Variants in OTOF observed in about 807,000 individuals in gnomAD.
OTOF encodes the protein otoferlin.
A neutral mutation model predicts 236.8 loss-of-function variants in OTOF; 218 were observed. The ratio of observed to expected loss-of-function variants is 0.92; its 90% CI spans 0.82 to 1.03. OTOF has a LOEUF of 1.03. Ranked by LOEUF, OTOF falls within the 50% of genes least tolerant of loss-of-function variation. The pLI is 0.00. For missense variants in OTOF, 2,590 were observed against 2,694.4 expected, an observed-to-expected ratio of 0.96 and a Z score of 0.86; for synonymous variants, 1,041 against 1,072.5, an observed-to-expected ratio of 0.97 and a Z score of 0.57.
At position 26,464,066 on chromosome 2, in the gene OTOF, G is replaced by A; in HGVS notation, c.5001C>T (p.Ala1667=). The A allele has an allele frequency of 6.2e-7, 1 of 1,613,658 alleles. No individual in the cohort carries two copies. Among genetic ancestry groups the A allele is most frequent in the Non-Finnish European group, 8.5e-7 (1 of 1,180,018 alleles). The part of the protein sequence containing the change: ...KPTDEHVALL[A]LRHWEDIPRA... ...GGGGGATGTCCTCCCAGTGCCTCAGGGCCAACAGCGCCACATGCTCGTCTG... is the reference window on the plus strand; with the variant it reads ...GGGGGATGTCCTCCCAGTGCCTCAGAGCCAACAGCGCCACATGCTCGTCTG... Residue 1667 remains alanine, a synonymous_variant, in exon 40 of 47, where the codon GCC becomes GCT. Coordinates refer to ENST00000272371, the MANE Select transcript of OTOF (RefSeq NM_194248.3).
At chr2:26,522,841 G>A (rs1268649400) in intron 3 of OTOF, among the ~76,000 whole-genome samples, 1 of 152,210 alleles carries the variant, frequency 6.6e-6, no homozygotes, top group Non-Finnish European at 1.5e-5. Context: ...CTAACTCCAT[G>A]TCCTCTGACT....
intron 7 of OTOF, 148 bp downstream of exon 7, chr2:26,502,152 C>G: frequency 3.5e-6 from 3 of 855,164 alleles, no homozygotes; most frequent in Non-Finnish European, 5.6e-6. Context: ...GAAAAACACC[C>G]AAGGAAAAGC....
chr2:26,478,027 T>C (rs1186546716), intron 18 of OTOF: 2 of 1,442,092 alleles, frequency 1.4e-6, no homozygotes, highest in Non-Finnish European at 1.8e-6. Context: ...TCACAGGGCC[T>C]GGGCAGAACT....
rs1303160962 is a variant in OTOF, at chr2:26,538,379, C to T, written c.80-605G>A. Among the ~76,000 whole-genome samples, 6 of 152,250 alleles carry T rather than the reference C, an allele frequency of 3.9e-5. No homozygotes were observed. The East Asian group carries it at 9.6e-4, about 24-fold the overall frequency. On this transcript the variant is annotated intron_variant, in intron 1 of 46. Transcript: ENST00000272371. ...TTCCTGTCAGCCTTAGCAGAGAAGA[C>T]AGTCTCTGGCAGTTCCCTCCCGGGC... is the stretch of plus-strand genomic sequence containing the variant.
chr2:26,473,485 C>T lies in OTOF; in HGVS notation c.3491G>A (p.Gly1164Glu), dbSNP rs1226036843. The T allele has an allele frequency of 6.2e-7, 1 of 1,613,244 alleles. No individual in the cohort carries two copies. ...GATCAGGGACGACTGCACCCCCTTCCCTGCACACTCGATGTCCACCCGTGG... is the reference window on the plus strand; with the variant it reads ...GATCAGGGACGACTGCACCCCCTTCTCTGCACACTCGATGTCCACCCGTGG... ...DRPRVDIECA[G>E]KGVQSSLIHN... The change falls in exon 28 of 47, where the codon GGG (glycine) becomes GAG (glutamate). Residue 1164 changes from glycine (G) to glutamate (E), a missense_variant. Coordinates refer to ENST00000272371, the MANE Select transcript of OTOF (RefSeq NM_194248.3). The surrounding 1 kb of genome is among the most constrained non-coding windows in gnomAD (Gnocchi z 7.2).
chr2:26,477,442 G>A lies in OTOF; in HGVS notation c.2380C>T (p.Arg794Cys), dbSNP rs776592724. The change falls in exon 20 of 47, where the codon CGC becomes TGC. Residue 794 changes from arginine (R) to cysteine (C), a missense_variant. Arg to Cys is a radical substitution (Grantham distance 180). This residue lies in a region of OTOF where 1,379 missense variants were observed against 1,341.6 expected (regional missense o/e 1.03). Transcript: ENST00000272371. This position sits in a 1 kb window ranked among gnomAD's most constrained non-coding sequence, Gnocchi z 4.7. ...AGCTCCCTCATGCAGGACTTGAGGCGCTCCCGGTCAAGCCTGGTGCGGGAT... is the reference window on the plus strand; with the variant it reads ...AGCTCCCTCATGCAGGACTTGAGGCACTCCCGGTCAAGCCTGGTGCGGGAT... Reference protein sequence around the residue: ...HSSRTRLDRERLKSCMRELEN... With the variant: ...HSSRTRLDRECLKSCMRELEN... The A allele has an allele frequency of 5.6e-6, 9 of 1,597,568 alleles. No homozygotes were observed. Among genetic ancestry groups the A allele is most frequent in the African/African-American group, 1.3e-5 (1 of 74,800 alleles).
At chr2:26,471,464 T>C (rs1664971956) in intron 30 of OTOF, among the ~76,000 whole-genome samples, 1 of 152,066 alleles carries the variant, frequency 6.6e-6, no homozygotes, top group African/African-American at 2.4e-5. Context: ...AGATGGCAGT[T>C]CTCTCTCTGG....
At chr2:26,553,246 A>G (rs756829283) in intron 1 of OTOF, among the ~76,000 whole-genome samples, 8 of 152,076 alleles carry the variant, frequency 5.3e-5, no homozygotes, top group Non-Finnish European at 1.0e-4. Flanking sequence ...CTCCAGCTAC[A>G]TGGTGTGGCT....
At chr2:26,458,397 A>T (rs1224020844) in intron 46 of OTOF, among the ~76,000 whole-genome samples, 177 bp from the exon 47 acceptor site, 1 of 152,114 alleles carries the variant, frequency 6.6e-6, no homozygotes, top group Admixed American at 6.5e-5. Flanking sequence ...CTGCTTACAA[A>T]ACTCTATCCT....
intron 1 of OTOF, among the ~76,000 whole-genome samples, chr2:26,550,294 A>T (rs1667428424): frequency 1.3e-5 from 2 of 151,942 alleles, no homozygotes. Context: ...CTGTCTCCGG[A>T]GCCTTTTCTA....
chr2:26,489,750 G>A lies in OTOF; in HGVS notation c.898-10C>T. ...AGTCGAAGACGAAGTACTGGAGGGG[G>A]AAGGATCCAGGCCTGCTGTCACTGA... On this transcript the variant is annotated splice_polypyrimidine_tract_variant and intron_variant, in intron 9 of 46. Transcript: ENST00000272371. 1 of 1,609,598 alleles carries A rather than the reference G, an allele frequency of 6.2e-7. No homozygotes were observed. The highest frequency in any genetic ancestry group is 1.1e-5 in the South Asian group (1 of 91,022).
At chr2:26,486,225 G>T (rs1191804822) in intron 11 of OTOF, among the ~76,000 whole-genome samples, 1 of 142,660 alleles carries the variant, frequency 7.0e-6, no homozygotes, top group East Asian at 2.3e-4. Context: ...TGGATCTGTG[G>T]ATAGATGGGT....
chr2:26,466,231 C>A, intron 36 of OTOF, 155 bp from the exon 37 acceptor site: 1 of 835,500 alleles, frequency 1.2e-6, no homozygotes, highest in Non-Finnish European at 2.0e-6. Context: ...AGGCAAGTGG[C>A]TACCCCTCTC....
Position 26,477,595 on chromosome 2 carries a change from C to T in OTOF, c.2315+54G>A. 7 of 1,606,688 alleles carry T rather than the reference C, an allele frequency of 4.4e-6. No homozygotes were observed. Among genetic ancestry groups the T allele is most frequent in the Non-Finnish European group, 6.0e-6 (7 of 1,176,026 alleles). On this transcript the variant is annotated intron_variant, in intron 19 of 46. Transcript: ENST00000272371. The surrounding 1 kb of genome is among the most constrained non-coding windows in gnomAD (Gnocchi z 4.7). ...CATCTGCCCAGCCCTGGCAGGGTCC[C>T]CTTTGTCCAGTTCCGCCTCATCCTC...
chr2:26,476,375 G>C (rs1205999885), intron 22 of OTOF, 58 bp from the exon 23 acceptor site: 3 of 1,523,098 alleles, frequency 2.0e-6, no homozygotes, highest in Non-Finnish European at 2.7e-6. Context: ...CAAGAGGTGG[G>C]GAAGGGGCAG....
rs748464989 is a variant in OTOF at position 26,465,725 on chromosome 2, G to A, written c.4746C>T (p.Asn1582=). 3.7e-6 allele frequency: 6 copies of A among 1,614,248 alleles called. No homozygotes were observed. In the South Asian group the frequency reaches 6.6e-5, roughly 18 times the overall value. ...LIGETKIDLE[N]RFYSKHRATC... Reference sequence around the variant, plus strand: ...TGGCGCGGTGCTTGCTGTAGAAGCGGTTCTCCAGGTCGATCTTGGTTTCCC... The same window carrying A: ...TGGCGCGGTGCTTGCTGTAGAAGCGATTCTCCAGGTCGATCTTGGTTTCCC... Residue 1582 remains asparagine, a synonymous_variant, in exon 38 of 47, where the codon AAC becomes AAT. Coordinates refer to ENST00000272371, the MANE Select transcript of OTOF (RefSeq NM_194248.3).
intron 5 of OTOF, among the ~76,000 whole-genome samples, chr2:26,514,039 G>A (rs746754592): frequency 1.2e-4 from 19 of 152,312 alleles, no homozygotes; most frequent in Non-Finnish European, 2.2e-4. Flanking sequence ...TCTTGAACCC[G>A]CTCCACCTTC....
intron 1 of OTOF, among the ~76,000 whole-genome samples, chr2:26,549,965 C>G (rs563599473): frequency 2.0e-5 from 3 of 152,214 alleles, no homozygotes; most frequent in East Asian, 3.9e-4. Flanking sequence ...TCCCAGTGAT[C>G]CACAAGTGTG....
At chr2:26,514,738 T>G (rs780979438) in intron 5 of OTOF, among the ~76,000 whole-genome samples, 1 of 152,154 alleles carries the variant, frequency 6.6e-6, no homozygotes, top group Non-Finnish European at 1.5e-5. Context: ...AGTGGCACAG[T>G]CAAGATGGGA....
Sources: allele counts gnomAD v4.1 joint callset (sites outside exome capture counted in the v4.1 genomes callset), GRCh38; gene constraint gnomAD v4.1.1; regional missense constraint gnomAD v4.1.1; non-coding constraint Gnocchi (gnomAD v3.1); transcripts MANE v1.5; gene names NCBI Gene and HGNC (gene_info 2026-07-23, HGNC 2026-07-21).